Variants in WDR72 observed in about 807,000 individuals in gnomAD.
The protein encoded by WDR72 is WD repeat domain 72.
Under a neutral mutation model 124.2 loss-of-function variants are expected in WDR72, and 120 were observed. The observed-to-expected ratio is 0.97, with a 90% confidence interval of 0.83 to 1.12. The LOEUF is 1.12. WDR72 is among the 50% of genes most tolerant of loss of function. The pLI is 0.00. For missense variants in WDR72, 1,387 were observed against 1,278.8 expected, an observed-to-expected ratio of 1.08 and a Z score of -1.29; for synonymous variants, 452 against 441.7, an observed-to-expected ratio of 1.02 and a Z score of -0.29.
chr15:53,684,537 T>G, intron 13 of WDR72: 1 of 160,810 alleles, frequency 6.2e-6, no homozygotes, highest in Non-Finnish European at 1.3e-5. Context: ...GATTATATCC[T>G]GCACCTGGCT....
At chr15:53,587,087 A>T (rs2012251825) in intron 18 of WDR72, among the ~76,000 whole-genome samples, 1 of 152,038 alleles carries the variant, frequency 6.6e-6, no homozygotes, top group Admixed American at 6.6e-5. Context: ...GCAGTCAGGC[A>T]CCAGAGATGC....
At chr15:53,686,838 G>T (rs2016649251) in intron 13 of WDR72, among the ~76,000 whole-genome samples, 1 of 151,426 alleles carries the variant, frequency 6.6e-6, no homozygotes. Context: ...AAATGTAAAA[G>T]AACAGAAATT....
At chr15:53,755,717 A>G (rs1386725770) in intron 1 of WDR72, among the ~76,000 whole-genome samples, 1 of 152,212 alleles carries the variant, frequency 6.6e-6, no homozygotes, top group East Asian at 1.9e-4. Context: ...TACCGCAGAA[A>G]GAGAAGGGCT....
chr15:53,671,154 G>C (rs1420343773), intron 13 of WDR72, among the ~76,000 whole-genome samples: 2 of 152,064 alleles, frequency 1.3e-5, no homozygotes, highest in Non-Finnish European at 2.9e-5. Context: ...CGCTGCACTT[G>C]GGATTAAACC....
chr15:53,517,816 G>A, intron 19 of WDR72, 62 bp from the exon 20 acceptor site: 1 of 1,509,982 alleles, frequency 6.6e-7, no homozygotes, highest in Middle Eastern at 1.7e-4. Flanking sequence ...AAAAGAGAAA[G>A]ACCAAGAGGA....
chr15:53,593,786 G>T (rs2012629741), intron 18 of WDR72, among the ~76,000 whole-genome samples: 1 of 151,672 alleles, frequency 6.6e-6, no homozygotes, highest in African/African-American at 2.4e-5. Context: ...AAGAAAGATA[G>T]CTGGTGTGGT....
chr15:53,681,518 T>A (rs2140480202), intron 13 of WDR72, among the ~76,000 whole-genome samples: 1 of 152,232 alleles, frequency 6.6e-6, no homozygotes, highest in Non-Finnish European at 1.5e-5. Flanking sequence ...AATCCAAAAG[T>A]GTAATCAGAC....
Position 53,733,041 on chromosome 15 carries a change from G to C in WDR72, c.109C>G (p.Gln37Glu). 2 of 1,614,040 alleles carry C rather than the reference G, an allele frequency of 1.2e-6. No individual in the cohort carries two copies. The highest frequency in any genetic ancestry group is 8.5e-7 in the Non-Finnish European group (1 of 1,179,968). ...TTCCAGAGACAGAGCTGACCCTCTT[G>C]ACTTCCAGTCACAATCGTTCGCTGG... ...DDQRTIVTGS[Q>E]EGQLCLWNLS... Residue 37 changes from glutamine (Q) to glutamate (E), a missense_variant, in exon 2 of 20, where the codon CAA (glutamine) becomes GAA (glutamate). Transcript: ENST00000360509.
intron 17 of WDR72, among the ~76,000 whole-genome samples, chr15:53,597,862 G>T (rs1449669241): frequency 1.3e-5 from 2 of 152,042 alleles, no homozygotes; most frequent in African/African-American, 4.8e-5. Context: ...AAGGGCGGGG[G>T]GAAAGGGACA....
At chr15:53,693,423 T>C (rs900071249) in intron 13 of WDR72, among the ~76,000 whole-genome samples, 6 of 152,304 alleles carry the variant, frequency 3.9e-5, no homozygotes, top group African/African-American at 1.4e-4. Context: ...TACCCCTCAC[T>C]GTAAACTATT....
chr15:53,548,403 C>T (rs1338509764), intron 18 of WDR72, among the ~76,000 whole-genome samples: 1 of 152,132 alleles, frequency 6.6e-6, no homozygotes. Flanking sequence ...CTGCCATGCA[C>T]TGGGATTGGA....
chr15:53,547,689 C>G (rs936500180), intron 18 of WDR72, among the ~76,000 whole-genome samples: 3 of 152,174 alleles, frequency 2.0e-5, no homozygotes, highest in Non-Finnish European at 1.5e-5. Flanking sequence ...ATTTCATCCA[C>G]TTGTTCTGCC....
intron 4 of WDR72, among the ~76,000 whole-genome samples, chr15:53,715,597 T>C (rs1276407393): frequency 1.3e-5 from 2 of 152,176 alleles, no homozygotes; most frequent in South Asian, 2.1e-4. Context: ...TTGGAAGAAG[T>C]AATTTTATTC....
intron 1 of WDR72, among the ~76,000 whole-genome samples, chr15:53,741,835 C>G (rs113579359): frequency 7.3e-4 from 111 of 152,072 alleles, no homozygotes; most frequent in African/African-American, 2.5e-3. Context: ...TCAAGCGATT[C>G]TCCTGTCTCA....
chr15:53,708,555 T>C (rs1217088230), intron 9 of WDR72, among the ~76,000 whole-genome samples: 1 of 152,168 alleles, frequency 6.6e-6, no homozygotes, highest in Non-Finnish European at 1.5e-5. Context: ...CTAAACCACT[T>C]GAATTCAAAT....
At chr15:53,701,793 TA>T (rs1313446588) in intron 12 of WDR72, among the ~76,000 whole-genome samples, 1 of 151,488 alleles carries the variant, frequency 6.6e-6, no homozygotes, top group Non-Finnish European at 1.5e-5. Context: ...TCTACTTTTT[TA>T]AAAAAAAGAT....
intron 14 of WDR72, among the ~76,000 whole-genome samples, chr15:53,649,829 C>T (rs1260389436): frequency 6.6e-6 from 1 of 152,050 alleles, no homozygotes; most frequent in Non-Finnish European, 1.5e-5. Flanking sequence ...AAATTGGAAT[C>T]CTAGCACACT....
chr15:53,759,197 A>AAAATAAAT (rs111798463), intron 1 of WDR72: 39 of 152,072 alleles, frequency 2.6e-4, no homozygotes, highest in African/African-American at 9.2e-4. Context: ...TAAAGTTTTA[A>AAAATAAAT]AAATAAATAA....
Position 53,733,106 on chromosome 15 carries a change from G to T in WDR72, c.44C>A (p.Ala15Asp), listed in dbSNP as rs1595880699. Reference protein sequence around the residue: ...LQAVALWGQKAPPHSITAIMI... With the variant: ...LQAVALWGQKDPPHSITAIMI... The stretch of plus-strand genomic sequence containing the variant: ...GATGGCAGTGATGCTGTGGGGAGGG[G>T]CCTTCTGTCCCCAGAGTGCCACTGC... Residue 15 changes from alanine to aspartate, a missense_variant, in exon 2 of 20, where the codon GCC becomes GAC. Physicochemically the swap from Ala to Asp is moderately radical, Grantham distance 126. Coordinates refer to ENST00000360509, the MANE Select transcript of WDR72 (RefSeq NM_182758.4). 2 of 1,614,054 alleles carry T rather than the reference G, an allele frequency of 1.2e-6. No individual in the cohort carries two copies. The highest frequency in any genetic ancestry group is 8.5e-7 in the Non-Finnish European group (1 of 1,179,962).
Sources: gnomAD v4.1 joint callset for allele counts (sites outside exome capture counted in the v4.1 genomes callset) on GRCh38, gnomAD v4.1.1 for gene constraint, MANE v1.5 for transcripts, NCBI Gene and HGNC (gene_info 2026-07-23, HGNC 2026-07-21) for gene names.